Variants in RFX4 observed in about 807,000 individuals in gnomAD.
RFX4 encodes the protein regulatory factor X4.
In RFX4, 10 loss-of-function variants were observed where a neutral mutation model predicts 95.0. The observed-to-expected ratio is 0.11, with a 90% CI of 0.06 to 0.18. The LOEUF is 0.18. RFX4 is among the 10% of genes least tolerant of loss of function. RFX4 has a pLI of 1.00. For synonymous variants in RFX4, 321 were observed against 340.7 expected, an observed-to-expected ratio of 0.94 and a Z score of 0.64; for missense variants, 640 against 922.0, an observed-to-expected ratio of 0.69 and a Z score of 3.96.
intron 1 of RFX4, among the ~76,000 whole-genome samples, chr12:106,594,890 A>C (rs2039596470): frequency 1.3e-5 from 2 of 151,998 alleles, no homozygotes; most frequent in East Asian, 3.9e-4. Context: ...GAAGGAAGGG[A>C]GAAAGAGAGG....
intron 2 of RFX4, among the ~76,000 whole-genome samples, chr12:106,621,477 C>T (rs147424806): frequency 6.6e-6 from 1 of 152,202 alleles, no homozygotes; most frequent in African/African-American, 2.4e-5. Flanking sequence ...CTGCTGAAAG[C>T]ACTGGGTGTT....
intron 13 of RFX4, among the ~76,000 whole-genome samples, chr12:106,729,690 CA>C (rs2042573803): frequency 6.6e-6 from 1 of 152,194 alleles, no homozygotes; most frequent in Non-Finnish European, 1.5e-5. Flanking sequence ...GTGGTTTACA[CA>C]GTGGCTGCCA....
chr12:106,661,216 G>A (rs1227915209), intron 4 of RFX4, among the ~76,000 whole-genome samples: 1 of 152,190 alleles, frequency 6.6e-6, no homozygotes, highest in African/African-American at 2.4e-5. Flanking sequence ...ACAAGCATAT[G>A]AGGATCTTAC....
intron 15 of RFX4, among the ~76,000 whole-genome samples, chr12:106,739,865 G>T (rs1435282378): frequency 1.3e-5 from 2 of 152,154 alleles, no homozygotes; most frequent in Non-Finnish European, 2.9e-5. Flanking sequence ...CTTTCTTTAA[G>T]GAAAACTGGC....
intron 17 of RFX4, among the ~76,000 whole-genome samples, chr12:106,756,152 T>C (rs963993706): frequency 6.6e-6 from 1 of 152,208 alleles, no homozygotes; most frequent in African/African-American, 2.4e-5. Flanking sequence ...AGCGTGAGGT[T>C]TGAATTATTT....
chr12:106,671,835 G>T (rs1339089869), intron 4 of RFX4, among the ~76,000 whole-genome samples: 2 of 152,082 alleles, frequency 1.3e-5, no homozygotes, highest in South Asian at 4.2e-4. Flanking sequence ...CTAGTTTTTT[G>T]TATTTTAGTA....
intron 2 of RFX4, among the ~76,000 whole-genome samples, chr12:106,609,699 T>C (rs1180738134): frequency 1.3e-5 from 2 of 152,176 alleles, no homozygotes; most frequent in Non-Finnish European, 2.9e-5. Context: ...TTGAGCTACA[T>C]TGAACATAAA....
intron 1 of RFX4, among the ~76,000 whole-genome samples, chr12:106,585,301 G>A (rs955626913): frequency 3.9e-5 from 6 of 152,308 alleles, no homozygotes; most frequent in Admixed American, 1.3e-4. Context: ...ACTGGTGCTC[G>A]TGGGGGCACC....
At chr12:106,637,549 A>G (rs1329399389) in intron 2 of RFX4, among the ~76,000 whole-genome samples, 1 of 152,138 alleles carries the variant, frequency 6.6e-6, no homozygotes, top group African/African-American at 2.4e-5. Flanking sequence ...TTTTATTGAT[A>G]ATATTTGTAG....
chr12:106,639,375 T>C lies in RFX4; in HGVS notation c.174T>C (p.Thr58=). ...ATAGAGCATCCAAGCCCCACTCCAC[T>C]CCTGCTACTCTGCAATGGTAAGTTT... ...ENNRASKPHS[T]PATLQWLEEN... Residue 58 remains threonine (T), a synonymous_variant, in exon 3 of 18, where the codon ACT becomes ACC. Coordinates refer to ENST00000392842, the MANE Select transcript of RFX4 (RefSeq NM_213594.3). 6.2e-7 allele frequency: 1 copy of C among 1,613,846 alleles called. No individual in the cohort carries two copies. Among genetic ancestry groups the C allele is most frequent in the Non-Finnish European group, 8.5e-7 (1 of 1,179,860 alleles).
At chr12:106,750,494 A>C (rs1380798418) in intron 16 of RFX4, among the ~76,000 whole-genome samples, 161 bp from the exon 17 acceptor site, 3 of 148,618 alleles carry the variant, frequency 2.0e-5, no homozygotes, top group Non-Finnish European at 4.5e-5. Flanking sequence ...AAAAAAAAAC[A>C]GATGAAAGAA....
At position 106,629,849 on chromosome 12, in the gene RFX4, T is replaced by G. The variant is rs569384212; in HGVS notation, c.131-9483T>G. On this transcript the variant is annotated intron_variant, in intron 2 of 17. Coordinates refer to ENST00000392842, the MANE Select transcript of RFX4 (RefSeq NM_213594.3). The stretch of plus-strand genomic sequence containing the variant: ...CTCCGGCCTCAGCCTCCCAAAGTGT[T>G]GGGATTATAGGTGTGAGCCACTGTC... Among the ~76,000 whole-genome samples, 40 of 152,168 alleles carry G rather than the reference T, an allele frequency of 2.6e-4. 1 individual carries two copies. Among genetic ancestry groups the G allele is most frequent in the Middle Eastern group, 3.4e-3 (1 of 294 alleles).
intron 5 of RFX4, chr12:106,684,924 G>A: frequency 6.2e-7 from 1 of 1,613,628 alleles, no homozygotes; most frequent in Middle Eastern, 1.7e-4. Context: ...AGGAGTAAAG[G>A]AGGGTTGGGG....
intron 1 of RFX4, among the ~76,000 whole-genome samples, chr12:106,592,779 C>A (rs2039567190): frequency 6.6e-6 from 1 of 152,138 alleles, no homozygotes; most frequent in African/African-American, 2.4e-5. Context: ...GAGTTTGGTT[C>A]TTTTGCCTTT....
intron 17 of RFX4, among the ~76,000 whole-genome samples, chr12:106,758,971 CT>C: frequency 6.6e-6 from 1 of 152,186 alleles, no homozygotes; most frequent in East Asian, 1.9e-4. Context: ...CATTTGCCAA[CT>C]ATTATTTAGC....
chr12:106,701,763 G>C (rs764344588), intron 8 of RFX4, among the ~76,000 whole-genome samples: 1 of 152,050 alleles, frequency 6.6e-6, no homozygotes, highest in Admixed American at 6.6e-5. Context: ...GCTGGGTGCC[G>C]TATGGCTCAC....
chr12:106,677,041 T>C (rs1229508732), intron 4 of RFX4, among the ~76,000 whole-genome samples: 2 of 152,152 alleles, frequency 1.3e-5, no homozygotes, highest in Non-Finnish European at 1.5e-5. Flanking sequence ...ACTTTACTCA[T>C]CTATACTGAG....
At chr12:106,708,420 T>G (rs1229306416) in intron 8 of RFX4, among the ~76,000 whole-genome samples, 1 of 151,194 alleles carries the variant, frequency 6.6e-6, no homozygotes, top group Non-Finnish European at 1.5e-5. Context: ...ATTGGAGGCG[T>G]AAGGGTCTTG....
intron 8 of RFX4, among the ~76,000 whole-genome samples, chr12:106,698,212 G>A (rs1387985255): frequency 3.9e-5 from 6 of 152,010 alleles, no homozygotes; most frequent in East Asian, 1.9e-4. Flanking sequence ...GACCTCAGGC[G>A]ATCCAACCGC....
Sources: allele counts gnomAD v4.1 joint callset (sites outside exome capture counted in the v4.1 genomes callset), GRCh38; gene constraint gnomAD v4.1.1; transcripts MANE v1.5; gene names NCBI Gene and HGNC (gene_info 2026-07-23, HGNC 2026-07-21).